LRRTM4: variants seen among roughly 807,000 people sequenced by gnomAD.
LRRTM4 encodes the protein leucine rich repeat transmembrane neuronal 4, also known as leucine-rich repeat transmembrane neuronal protein 4.
LRRTM4 carries 25 observed loss-of-function variants against 47.6 expected under a neutral mutation model. The observed-to-expected ratio is 0.53, with a 90% CI of 0.38 to 0.73. The LOEUF is 0.73. Among genes scored for constraint, LRRTM4 ranks in the 30% least tolerant of loss-of-function variants. LRRTM4 has a pLI of 0.00. For synonymous variants in LRRTM4, 311 were observed against 269.5 expected, an observed-to-expected ratio of 1.15 and a Z score of -1.51; for missense variants, 638 against 713.4, an observed-to-expected ratio of 0.89 and a Z score of 1.20.
At chr2:77,078,941 G>A (rs1030405566) in intron 3 of LRRTM4, among the ~76,000 whole-genome samples, 2 of 152,144 alleles carry the variant, frequency 1.3e-5, no homozygotes, top group African/African-American at 4.8e-5. Flanking sequence ...CTCATGGGTG[G>A]CTGTCCCTCA....
At chr2:76,830,521 T>TGC (rs1671318736) in intron 3 of LRRTM4, among the ~76,000 whole-genome samples, 2 of 141,196 alleles carry the variant, frequency 1.4e-5, no homozygotes, top group East Asian at 4.7e-4. Context: ...TGTGCGTGTG[T>TGC]GTGTGTGTGT....
At chr2:77,426,630 G>T (rs1675115514) in intron 3 of LRRTM4, among the ~76,000 whole-genome samples, 2 of 152,080 alleles carry the variant, frequency 1.3e-5, no homozygotes. Flanking sequence ...GAGAGTGAGT[G>T]GTTTCTCACA....
rs557475577 is a variant in LRRTM4 at position 76,902,709 on chromosome 2, GCTCT to G, written c.1552-153797_1552-153794del. ...CCTATTTTAAATTTTACCTGGACTT[GCTCT>G]CTAAGTTCTGTGATGCACCACCATT... On this transcript the variant is annotated intron_variant, in intron 3 of 3. Coordinates refer to ENST00000409884, the MANE Select transcript of LRRTM4 (RefSeq NM_001134745.3). Among the ~76,000 whole-genome samples the G allele has an allele frequency of 9.0e-3, 1,376 of 152,268 alleles. 12 individuals carry two copies. Among genetic ancestry groups the G allele is most frequent in the Non-Finnish European group, 0.014 (969 of 68,028 alleles).
At chr2:76,890,834 G>C (rs555726109) in intron 3 of LRRTM4, among the ~76,000 whole-genome samples, 85 of 151,926 alleles carry the variant, frequency 5.6e-4, no homozygotes, top group Non-Finnish European at 1.1e-3. Flanking sequence ...AGCCAATGGC[G>C]ACTTGCATGC....
intron 3 of LRRTM4, among the ~76,000 whole-genome samples, chr2:76,969,770 A>AT (rs1190642398): frequency 6.6e-6 from 1 of 151,974 alleles, no homozygotes; most frequent in Admixed American, 6.6e-5. Flanking sequence ...TTTGCCTCTT[A>AT]TTTTACCAAT....
chr2:77,343,982 G>A (rs545278613), intron 3 of LRRTM4, among the ~76,000 whole-genome samples: 8 of 151,802 alleles, frequency 5.3e-5, no homozygotes, highest in South Asian at 4.1e-4. Flanking sequence ...GAAATAGAAC[G>A]AAGGATACGA....
intron 3 of LRRTM4, among the ~76,000 whole-genome samples, chr2:77,244,684 T>A (rs1168537557): frequency 6.6e-6 from 1 of 152,176 alleles, no homozygotes; most frequent in Non-Finnish European, 1.5e-5. Context: ...GCAAAAGTTA[T>A]GGAAAATCAT....
intron 3 of LRRTM4, among the ~76,000 whole-genome samples, chr2:77,405,527 A>G (rs1674150119): frequency 6.6e-6 from 1 of 152,026 alleles, no homozygotes; most frequent in Non-Finnish European, 1.5e-5. Context: ...CTCTTCCCCA[A>G]TGTCACTTCC....
rs540371834 is a variant in LRRTM4, at chr2:77,312,998, G to A, written c.1551+205320C>T. ...GTAAATAAAGTTATATAAAAATTGA[G>A]TACCATCTCTTTAGGATATTTTATT... On this transcript the variant is annotated intron_variant, in intron 3 of 3. Coordinates refer to ENST00000409884, the MANE Select transcript of LRRTM4 (RefSeq NM_001134745.3). Among the ~76,000 whole-genome samples the A allele has an allele frequency of 6.6e-5, 10 of 152,168 alleles. No individual in the cohort carries two copies. The East Asian group carries it at 1.9e-3, about 29-fold the overall frequency.
At chr2:77,003,724 A>G (rs2860938) in intron 3 of LRRTM4, among the ~76,000 whole-genome samples, 82,236 of 152,008 alleles carry the variant, frequency 0.54, 23,994 homozygotes, top group African/African-American at 0.76. Flanking sequence ...GGGTAGTGGG[A>G]CACTGCTGTA....
Position 77,192,508 on chromosome 2 carries a change from T to C in LRRTM4, c.1551+325810A>G, listed in dbSNP as rs1479178910. 3.3e-5 allele frequency among the ~76,000 whole-genome samples: 5 copies of C among 152,158 alleles called. No individual in the cohort carries two copies. The East Asian group carries it at 9.6e-4, about 29-fold the overall frequency. On this transcript the variant is annotated intron_variant, in intron 3 of 3. Coordinates refer to ENST00000409884, the MANE Select transcript of LRRTM4 (RefSeq NM_001134745.3). The stretch of plus-strand genomic sequence containing the variant: ...AGTGTGATAGTTGACTGAATCACTC[T>C]TCTTTTGAAATTGAGAAAAATAATT...
At chr2:76,796,753 C>G (rs949725709) in intron 3 of LRRTM4, among the ~76,000 whole-genome samples, 62 of 151,540 alleles carry the variant, frequency 4.1e-4, no homozygotes, top group East Asian at 1.2e-3. Flanking sequence ...AAGCAGAGCA[C>G]CTCTCCTCCT....
At chr2:77,375,303 A>ATGTT (rs918533228) in intron 3 of LRRTM4, among the ~76,000 whole-genome samples, 3 of 151,778 alleles carry the variant, frequency 2.0e-5, no homozygotes, top group African/African-American at 7.3e-5. Context: ...AGAACTATAC[A>ATGTT]TGTTTAATTA....
At chr2:77,157,951 G>A (rs570532357) in intron 3 of LRRTM4, among the ~76,000 whole-genome samples, 1 of 152,260 alleles carries the variant, frequency 6.6e-6, no homozygotes, top group East Asian at 1.9e-4. Context: ...AGAAAGGGAT[G>A]GGTGGGAGAG....
At chr2:76,780,122 G>T (rs186318864) in intron 3 of LRRTM4, among the ~76,000 whole-genome samples, 3 of 152,174 alleles carry the variant, frequency 2.0e-5, no homozygotes, top group Non-Finnish European at 4.4e-5. Context: ...GGTTTCTGCC[G>T]AGAGATCCGC....
chr2:77,003,172 CTTAT>C (rs1448640200), intron 3 of LRRTM4, among the ~76,000 whole-genome samples: 16 of 109,894 alleles, frequency 1.5e-4, no homozygotes, highest in East Asian at 4.6e-4. Context: ...TTTTTATGTT[CTTAT>C]TTGTTATTTT....
intron 3 of LRRTM4, among the ~76,000 whole-genome samples, chr2:76,946,098 C>A (rs529568134): frequency 6.6e-6 from 1 of 151,754 alleles, no homozygotes. Context: ...GATAATAATG[C>A]CTTAAAAGTC....
At chr2:76,973,535 G>C (rs1676293692) in intron 3 of LRRTM4, among the ~76,000 whole-genome samples, 1 of 151,862 alleles carries the variant, frequency 6.6e-6, no homozygotes, top group Admixed American at 6.6e-5. Context: ...CTCTTCTTCA[G>C]TATTTGGAAC....
chr2:76,851,885 A>G (rs939959912), intron 3 of LRRTM4, among the ~76,000 whole-genome samples: 1 of 150,972 alleles, frequency 6.6e-6, no homozygotes, highest in Admixed American at 6.6e-5. Flanking sequence ...TAAAATTTTG[A>G]CCCTATTTGT....
Sources: allele counts gnomAD v4.1 joint callset (sites outside exome capture counted in the v4.1 genomes callset), GRCh38; gene constraint gnomAD v4.1.1; transcripts MANE v1.5; gene names NCBI Gene and HGNC (gene_info 2026-07-23, HGNC 2026-07-21).